Variants in VWC2L observed in about 807,000 individuals in gnomAD.
The protein encoded by VWC2L is von Willebrand factor C domain-containing protein 2-like.
VWC2L carries 10 observed loss-of-function variants against 21.6 expected under a neutral mutation model. The observed-to-expected ratio is 0.46, with a 90% confidence interval of 0.29 to 0.78. The LOEUF is 0.78. VWC2L is among the 30% of genes least tolerant of loss of function. VWC2L has a pLI of 0.10. For synonymous variants in VWC2L, 96 were observed against 94.3 expected, an observed-to-expected ratio of 1.02 and a Z score of -0.10; for missense variants, 209 against 277.1, an observed-to-expected ratio of 0.75 and a Z score of 1.74.
At chr2:214,428,872 A>G (rs1702562414) in intron 2 of VWC2L, among the ~76,000 whole-genome samples, 1 of 151,692 alleles carries the variant, frequency 6.6e-6, no homozygotes. Context: ...CACTTCTAAT[A>G]CAAATGGGTT....
intron 3 of VWC2L, among the ~76,000 whole-genome samples, chr2:214,539,464 G>GA (rs901661673): frequency 2.6e-5 from 4 of 151,958 alleles, no homozygotes; most frequent in Admixed American, 1.3e-4. Flanking sequence ...TATTAATTTG[G>GA]AAAAAAATAA....
At chr2:214,570,553 T>A (rs1352784644) in intron 3 of VWC2L, among the ~76,000 whole-genome samples, 1 of 152,048 alleles carries the variant, frequency 6.6e-6, no homozygotes, top group Non-Finnish European at 1.5e-5. Flanking sequence ...TTCATAGTGA[T>A]GGGGTTTTGC....
At position 214,552,211 on chromosome 2, in the gene VWC2L, C is replaced by T. The variant is rs183271176; in HGVS notation, c.521-23461C>T. 3.2e-3 allele frequency among the ~76,000 whole-genome samples: 487 copies of T among 152,240 alleles called. 2 individuals carry two copies. Among genetic ancestry groups the T allele is most frequent in the Non-Finnish European group, 4.9e-3 (332 of 68,014 alleles). ...ACCTTTCCTCACTACTGGCTTTTTCCTTTCAGCATATTGATAAACACATGG... is the reference window on the plus strand; with the variant it reads ...ACCTTTCCTCACTACTGGCTTTTTCTTTTCAGCATATTGATAAACACATGG... On this transcript the variant is annotated intron_variant, in intron 3 of 3. Coordinates refer to ENST00000312504, the MANE Select transcript of VWC2L (RefSeq NM_001080500.4).
At chr2:214,573,179 T>A (rs1380374295) in intron 3 of VWC2L, among the ~76,000 whole-genome samples, 2 of 152,120 alleles carry the variant, frequency 1.3e-5, no homozygotes, top group Non-Finnish European at 2.9e-5. Context: ...CCTGTTTCTC[T>A]TATTGTGCCA....
At chr2:214,465,759 G>T (rs187133130) in intron 3 of VWC2L, among the ~76,000 whole-genome samples, 1 of 152,306 alleles carries the variant, frequency 6.6e-6, no homozygotes, top group Non-Finnish European at 1.5e-5. Flanking sequence ...GCACTTTAGC[G>T]TGTGGTGGTA....
At chr2:214,441,917 T>A (rs1279618354) in intron 3 of VWC2L, among the ~76,000 whole-genome samples, 1 of 140,762 alleles carries the variant, frequency 7.1e-6, no homozygotes, top group Non-Finnish European at 1.5e-5. Context: ...ATAAGATACC[T>A]TTTTTTTTTT....
chr2:214,537,640 A>T (rs1241595191), intron 3 of VWC2L, among the ~76,000 whole-genome samples: 1 of 152,076 alleles, frequency 6.6e-6, no homozygotes, highest in Non-Finnish European at 1.5e-5. Flanking sequence ...GGTGGAGAAC[A>T]TGTCAATTAC....
intron 3 of VWC2L, among the ~76,000 whole-genome samples, chr2:214,460,228 A>G (rs1703120306): frequency 6.6e-6 from 1 of 152,148 alleles, no homozygotes. Context: ...GTATAATTAC[A>G]GCAAGCCTTG....
chr2:214,465,049 T>G (rs746026679), intron 3 of VWC2L, among the ~76,000 whole-genome samples: 3 of 151,988 alleles, frequency 2.0e-5, no homozygotes, highest in Non-Finnish European at 4.4e-5. Context: ...CTCCCCGCTG[T>G]CCCAGGACGA....
chr2:214,516,702 A>C (rs1164881312), intron 3 of VWC2L, among the ~76,000 whole-genome samples: 1 of 151,802 alleles, frequency 6.6e-6, no homozygotes, highest in African/African-American at 2.4e-5. Flanking sequence ...ATATAAAGCT[A>C]GTTCAACTGC....
intron 3 of VWC2L, among the ~76,000 whole-genome samples, chr2:214,448,306 T>C (rs1258580978): frequency 1.3e-5 from 2 of 152,248 alleles, no homozygotes; most frequent in Non-Finnish European, 2.9e-5. Flanking sequence ...GTATCTTCAA[T>C]ATAGCTGTAA....
At position 214,422,299 on chromosome 2, in the gene VWC2L, T is replaced by TTGTG. The variant is rs112286362; in HGVS notation, c.390+7736_390+7739dup. On this transcript the variant is annotated intron_variant, in intron 2 of 3. Transcript: ENST00000312504. The stretch of plus-strand genomic sequence containing the variant: ...TTAATTGCTCCATACATGCATTAAT[T>TTGTG]TGTGTGTGTGTGTGTGTGTGTGTTA... Among the ~76,000 whole-genome samples, 1,157 of 150,226 alleles carry TTGTG rather than the reference T, an allele frequency of 7.7e-3. 14 individuals are homozygous for TTGTG. Among genetic ancestry groups the TTGTG allele is most frequent in the African/African-American group, 0.02 (803 of 40,930 alleles).
In VWC2L at chr2:214,446,612, C is replaced by A. The variant is rs141267698; in HGVS notation, c.520+9854C>A. Among the ~76,000 whole-genome samples, 421 of 152,240 alleles carry A rather than the reference C, an allele frequency of 2.8e-3. 1 individual carries two copies. The highest frequency in any genetic ancestry group is 4.6e-3 in the Non-Finnish European group (312 of 67,998). ...AAGAAAATGCAGAAAGGAAGGCTAA[C>A]GTGCAAAATTTTGAATGTTTTCTGT... On this transcript the variant is annotated intron_variant, in intron 3 of 3. Transcript: ENST00000312504.
At chr2:214,505,398 C>A (rs943259074) in intron 3 of VWC2L, among the ~76,000 whole-genome samples, 14 of 152,092 alleles carry the variant, frequency 9.2e-5, no homozygotes, top group Admixed American at 7.9e-4. Flanking sequence ...AATTTGTTCT[C>A]TTTTTTGCAG....
intron 3 of VWC2L, among the ~76,000 whole-genome samples, chr2:214,535,779 C>T (rs868298621): frequency 1.3e-4 from 18 of 140,144 alleles, no homozygotes; most frequent in African/African-American, 4.0e-4. Context: ...GAAATTCAAA[C>T]ATAATTTGGA....
intron 2 of VWC2L, among the ~76,000 whole-genome samples, chr2:214,425,156 G>A (rs77011335): frequency 0.012 from 1,879 of 152,282 alleles, 29 homozygotes; most frequent in Non-Finnish European, 0.019. Flanking sequence ...TATAGAGAAG[G>A]TTTGCTGATC....
intron 3 of VWC2L, among the ~76,000 whole-genome samples, chr2:214,441,015 ATTAAG>A (rs922340861): frequency 2.0e-5 from 3 of 152,192 alleles, no homozygotes; most frequent in Non-Finnish European, 4.4e-5. Flanking sequence ...CTGTACACAC[ATTAAG>A]TTTTCAGTTC....
chr2:214,552,543 C>T (rs1245330336), intron 3 of VWC2L, among the ~76,000 whole-genome samples: 1 of 152,148 alleles, frequency 6.6e-6, no homozygotes, highest in African/African-American at 2.4e-5. Flanking sequence ...TAGTATTGGA[C>T]ACCTTATTAA....
At chr2:214,515,482 T>C (rs1574609513) in intron 3 of VWC2L, among the ~76,000 whole-genome samples, 1 of 152,312 alleles carries the variant, frequency 6.6e-6, no homozygotes, top group East Asian at 1.9e-4. Flanking sequence ...CTGCTTCATT[T>C]CCCAATCAGG....
Sources: gnomAD v4.1 joint callset for allele counts (sites outside exome capture counted in the v4.1 genomes callset) on GRCh38, gnomAD v4.1.1 for gene constraint, MANE v1.5 for transcripts, NCBI Gene and HGNC (gene_info 2026-07-23, HGNC 2026-07-21) for gene names.